DLGAP1: variants seen among roughly 807,000 people sequenced by gnomAD.
DLGAP1 encodes DLG associated protein 1.
Under a neutral mutation model 90.8 loss-of-function variants are expected in DLGAP1, and 11 were observed. The ratio of observed to expected loss-of-function variants is 0.12; its 90% confidence interval spans 0.08 to 0.20. DLGAP1 has a LOEUF of 0.20. Ranked by LOEUF, DLGAP1 falls within the 10% of genes least tolerant of loss-of-function variation. DLGAP1 has a pLI of 1.00. For missense variants in DLGAP1, 1,050 were observed against 1,333.8 expected (o/e 0.79, Z 3.31); for synonymous variants, 558 against 540.7 (o/e 1.03, Z -0.44).
intron 1 of DLGAP1, among the ~76,000 whole-genome samples, chr18:4,152,322 T>C (rs1265537216): frequency 6.6e-6 from 1 of 152,202 alleles, no homozygotes; most frequent in East Asian, 1.9e-4. Flanking sequence ...ATTGAGAATA[T>C]AATTTGTATT....
At chr18:4,400,482 A>G (rs914902701) in intron 1 of DLGAP1, among the ~76,000 whole-genome samples, 1 of 152,214 alleles carries the variant, frequency 6.6e-6, no homozygotes, top group Non-Finnish European at 1.5e-5. Context: ...CAGAGAAGGA[A>G]ACTGTCAGGT....
At chr18:4,100,179 C>T (rs1338876425) in intron 2 of DLGAP1, among the ~76,000 whole-genome samples, 2 of 152,092 alleles carry the variant, frequency 1.3e-5, no homozygotes, top group African/African-American at 4.8e-5. Flanking sequence ...TATAGCCTTA[C>T]AAAATGTATT....
At chr18:3,612,920 C>T (rs1471347706) in intron 7 of DLGAP1, among the ~76,000 whole-genome samples, 2 of 152,088 alleles carry the variant, frequency 1.3e-5, no homozygotes, top group African/African-American at 4.8e-5. Flanking sequence ...TGGCTCACTG[C>T]AACCTCTGCC....
chr18:3,930,707 T>C (rs1407361785), intron 3 of DLGAP1, among the ~76,000 whole-genome samples: 1 of 152,174 alleles, frequency 6.6e-6, no homozygotes, highest in Non-Finnish European at 1.5e-5. Flanking sequence ...AGGGCCGACA[T>C]GCTGAGGGAC....
At chr18:3,580,586 A>T in intron 8 of DLGAP1, 2 of 1,587,292 alleles carry the variant, frequency 1.3e-6, no homozygotes, top group Non-Finnish European at 8.6e-7. Context: ...GGAGGTGCCC[A>T]TGGAGACTAG....
chr18:3,980,205 A>T (rs548342116), intron 3 of DLGAP1, among the ~76,000 whole-genome samples: 1 of 152,272 alleles, frequency 6.6e-6, no homozygotes, highest in East Asian at 1.9e-4. Flanking sequence ...GGAGATAGAG[A>T]TGGTGAGGAA....
rs138117328 is a variant in DLGAP1 at position 3,945,510 on chromosome 18, G to A, written c.-73+59606C>T. Among the ~76,000 whole-genome samples, 893 of 152,246 alleles carry A rather than the reference G, an allele frequency of 5.9e-3. 8 individuals are homozygous for A. Among genetic ancestry groups the A allele is most frequent in the Non-Finnish European group, 9.6e-3 (655 of 68,018 alleles). ...CGATTGGTTCTAATAGTTATGTGGA[G>A]ATAAAATCAGGTTAAAGTGAATGTC... On this transcript the variant is annotated intron_variant, in intron 3 of 12. Transcript: ENST00000315677.
At chr18:3,776,471 C>G (rs971765959) in intron 5 of DLGAP1, among the ~76,000 whole-genome samples, 1 of 152,018 alleles carries the variant, frequency 6.6e-6, no homozygotes, top group African/African-American at 2.4e-5. Context: ...TCCAAGAGAC[C>G]GGCCTCTTGG....
chr18:3,579,456 C>T (rs975607292), intron 8 of DLGAP1, among the ~76,000 whole-genome samples: 11 of 152,186 alleles, frequency 7.2e-5, no homozygotes, highest in African/African-American at 2.7e-4. Context: ...GTGACCCACC[C>T]GCCTTGGCCT....
At chr18:4,408,974 CACACAA>C (rs1340093505) in intron 1 of DLGAP1, among the ~76,000 whole-genome samples, 1 of 3,386 alleles carries the variant, frequency 3.0e-4, no homozygotes, top group Non-Finnish European at 6.9e-4. Flanking sequence ...CACACACACA[CACACAA>C]ACACACACAC....
chr18:4,202,909 T>C (rs1235871648), intron 1 of DLGAP1, among the ~76,000 whole-genome samples: 2 of 152,192 alleles, frequency 1.3e-5, no homozygotes, highest in African/African-American at 4.8e-5. Flanking sequence ...TAAATCATGT[T>C]ACATTCTAGG....
At chr18:4,333,510 T>A (rs556553124) in intron 1 of DLGAP1, among the ~76,000 whole-genome samples, 1 of 151,716 alleles carries the variant, frequency 6.6e-6, no homozygotes, top group African/African-American at 2.4e-5. Context: ...TCGTGGTCAT[T>A]TGTTATAATG....
intron 7 of DLGAP1, among the ~76,000 whole-genome samples, chr18:3,640,139 G>A (rs1189153285): frequency 6.6e-6 from 1 of 152,032 alleles, no homozygotes; most frequent in Non-Finnish European, 1.5e-5. Context: ...TAGGATAGTA[G>A]TGTCTTCCCT....
chr18:4,307,966 T>G (rs560065778), intron 1 of DLGAP1, among the ~76,000 whole-genome samples: 21 of 152,118 alleles, frequency 1.4e-4, no homozygotes, highest in East Asian at 3.9e-4. Flanking sequence ...TTCCCCTGCC[T>G]CACCTCCCAA....
intron 2 of DLGAP1, among the ~76,000 whole-genome samples, chr18:4,130,008 T>C (rs1218145998): frequency 6.6e-6 from 1 of 152,214 alleles, no homozygotes; most frequent in Admixed American, 6.5e-5. Flanking sequence ...AAAAACTTAA[T>C]GGTGCCCTCA....
chr18:3,924,503 G>A (rs374456354), intron 3 of DLGAP1, among the ~76,000 whole-genome samples: 12 of 152,252 alleles, frequency 7.9e-5, no homozygotes, highest in African/African-American at 2.6e-4. Context: ...AATGCCATTA[G>A]CATACACAAA....
intron 1 of DLGAP1, among the ~76,000 whole-genome samples, chr18:4,311,151 C>T (rs2080388475): frequency 6.6e-6 from 1 of 152,208 alleles, no homozygotes; most frequent in Admixed American, 6.5e-5. Context: ...ACACCTTAGG[C>T]CTACTTGATA....
chr18:4,178,185 C>G (rs993549043), intron 1 of DLGAP1, among the ~76,000 whole-genome samples: 1 of 145,354 alleles, frequency 6.9e-6, no homozygotes, highest in Non-Finnish European at 1.5e-5. Context: ...TGTAGAAATC[C>G]TACGGGTCCT....
chr18:4,036,466 TC>T (rs1310476067), intron 2 of DLGAP1, among the ~76,000 whole-genome samples: 6 of 152,236 alleles, frequency 3.9e-5, no homozygotes, highest in African/African-American at 1.4e-4. Flanking sequence ...GTTTGACAGT[TC>T]ATTTAACTTA....
Sources: allele counts gnomAD v4.1 joint callset (sites outside exome capture counted in the v4.1 genomes callset), GRCh38; gene constraint gnomAD v4.1.1; transcripts MANE v1.5; gene names NCBI Gene and HGNC (gene_info 2026-07-23, HGNC 2026-07-21).